DIP2C: variants seen among roughly 807,000 people sequenced by gnomAD.
DIP2C encodes the protein disco-interacting protein 2 homolog C.
DIP2C carries 33 observed loss-of-function variants against 192.4 expected under a neutral mutation model. The ratio of observed to expected loss-of-function variants is 0.17; its 90% confidence interval spans 0.13 to 0.23. The LOEUF is 0.23. Among genes scored for constraint, DIP2C ranks in the 10% least tolerant of loss-of-function variants. DIP2C has a pLI of 1.00. For missense variants in DIP2C, 1,537 were observed against 2,110.1 expected, an observed-to-expected ratio of 0.73 and a Z score of 5.32; for synonymous variants, 979 against 864.1, an observed-to-expected ratio of 1.13 and a Z score of -2.33.
At chr10:329,394 G>A (rs1212628587) in intron 30 of DIP2C, 39 bp downstream of exon 30, 2 of 1,578,974 alleles carry the variant, frequency 1.3e-6, no homozygotes, top group Non-Finnish European at 1.7e-6. Flanking sequence ...GAGTCCCTGT[G>A]GGCTCACAGG....
intron 1 of DIP2C, among the ~76,000 whole-genome samples, chr10:518,024 G>C (rs1007232659): frequency 6.6e-6 from 1 of 152,238 alleles, no homozygotes; most frequent in Non-Finnish European, 1.5e-5. Context: ...CAGTTTGGTG[G>C]GGTGGGCGTG....
At chr10:495,325 T>C (rs1021844993) in intron 1 of DIP2C, among the ~76,000 whole-genome samples, 2 of 152,182 alleles carry the variant, frequency 1.3e-5, no homozygotes, top group African/African-American at 4.8e-5. Flanking sequence ...TTAATAACAA[T>C]GTACCATCTG....
At chr10:393,439 T>C (rs1027785758) in intron 10 of DIP2C, among the ~76,000 whole-genome samples, 2 of 152,132 alleles carry the variant, frequency 1.3e-5, no homozygotes, top group African/African-American at 4.8e-5. Flanking sequence ...AACAGGTCCA[T>C]GAAAAGGTGC....
intron 1 of DIP2C, among the ~76,000 whole-genome samples, chr10:566,452 G>A (rs949121202): frequency 3.9e-5 from 6 of 152,162 alleles, no homozygotes; most frequent in East Asian, 1.9e-4. Context: ...CTTTCCTCTC[G>A]AGTAGCACAC....
chr10:600,341 C>A (rs1459248015), intron 1 of DIP2C, among the ~76,000 whole-genome samples: 6 of 152,042 alleles, frequency 3.9e-5, no homozygotes, highest in Non-Finnish European at 7.4e-5. Context: ...CTCAGCCAGC[C>A]CAGGGGATGA....
At chr10:464,566 T>A (rs201970118) in intron 3 of DIP2C, among the ~76,000 whole-genome samples, 2 of 137,588 alleles carry the variant, frequency 1.5e-5, no homozygotes, top group East Asian at 4.4e-4. Flanking sequence ...TGTGGAAGAG[T>A]GTGGTGATTC....
intron 1 of DIP2C, among the ~76,000 whole-genome samples, chr10:606,053 T>G (rs777811988): frequency 5.9e-5 from 9 of 152,214 alleles, no homozygotes; most frequent in Non-Finnish European, 8.8e-5. Context: ...CAAGTCTTCC[T>G]GGCGAGAACC....
rs1852884388 is a variant in DIP2C at position 609,098 on chromosome 10, G to T, written c.85+80396C>A. Among the ~76,000 whole-genome samples the T allele has an allele frequency of 2.6e-5, 4 of 151,956 alleles. 1 individual carries two copies. The South Asian group carries it at 8.3e-4, about 32-fold the overall frequency. On this transcript the variant is annotated intron_variant, in intron 1 of 36. Transcript: ENST00000280886. ...AAAGCAAAGGGTAAGACCACGTTTG[G>T]TTTTTATGACTCGCAGTTCTAAATT... is the stretch of plus-strand genomic sequence containing the variant.
intron 1 of DIP2C, among the ~76,000 whole-genome samples, chr10:567,047 G>A (rs1169963516): frequency 6.6e-6 from 1 of 152,154 alleles, no homozygotes; most frequent in Non-Finnish European, 1.5e-5. Flanking sequence ...TAAACGTTAA[G>A]ACTCAACTTG....
At chr10:468,741 C>T (rs2133422141) in intron 3 of DIP2C, among the ~76,000 whole-genome samples, 1 of 152,288 alleles carries the variant, frequency 6.6e-6, no homozygotes, top group African/African-American at 2.4e-5. Flanking sequence ...CACCATTGCA[C>T]TCCAGCCTGG....
chr10:439,061 G>C (rs567857153), intron 4 of DIP2C, among the ~76,000 whole-genome samples: 1 of 152,160 alleles, frequency 6.6e-6, no homozygotes, highest in African/African-American at 2.4e-5. Context: ...TTCCGGGCTG[G>C]TCTTGAACTC....
intron 1 of DIP2C, among the ~76,000 whole-genome samples, chr10:661,061 G>A (rs1856728819): frequency 6.6e-6 from 1 of 152,212 alleles, no homozygotes; most frequent in Admixed American, 6.5e-5. Flanking sequence ...CTTTTCTGCA[G>A]ACTTCAACAA....
chr10:600,450 C>T (rs980380547), intron 1 of DIP2C, among the ~76,000 whole-genome samples: 2 of 150,456 alleles, frequency 1.3e-5, no homozygotes, highest in South Asian at 2.1e-4. Context: ...GCAGATGCTC[C>T]GGAGCCACCC....
chr10:394,074 G>A (rs1034850529), intron 10 of DIP2C, among the ~76,000 whole-genome samples: 1 of 152,210 alleles, frequency 6.6e-6, no homozygotes, highest in African/African-American at 2.4e-5. Flanking sequence ...TGGGCCAAAG[G>A]AACTGAAATT....
At chr10:359,286 G>A (rs1959200498) in intron 22 of DIP2C, among the ~76,000 whole-genome samples, 1 of 152,198 alleles carries the variant, frequency 6.6e-6, no homozygotes, top group African/African-American at 2.4e-5. Flanking sequence ...ACAGATGCAC[G>A]GCCATCCTTT....
At chr10:553,626 G>A (rs146576535) in intron 1 of DIP2C, among the ~76,000 whole-genome samples, 27 of 152,338 alleles carry the variant, frequency 1.8e-4, no homozygotes, top group African/African-American at 6.5e-4. Flanking sequence ...TTAGGATTTA[G>A]TCCATGCCTT....
intron 9 of DIP2C, among the ~76,000 whole-genome samples, chr10:404,325 C>T (rs1964653243): frequency 6.6e-6 from 1 of 151,922 alleles, no homozygotes. Context: ...TCTCTTGCCT[C>T]AGCCTCCCGA....
At chr10:492,904 G>A (rs1039713478) in intron 1 of DIP2C, among the ~76,000 whole-genome samples, 1 of 152,186 alleles carries the variant, frequency 6.6e-6, no homozygotes, top group Non-Finnish European at 1.5e-5. Flanking sequence ...CCACCGCAGT[G>A]GTCTTGAAAA....
chr10:532,340 C>G (rs796537596), intron 1 of DIP2C, among the ~76,000 whole-genome samples: 3 of 152,188 alleles, frequency 2.0e-5, no homozygotes, highest in South Asian at 2.1e-4. Context: ...CCTCTCTCCC[C>G]TGGACAGACC....
Sources: gnomAD v4.1 joint callset for allele counts (sites outside exome capture counted in the v4.1 genomes callset) on GRCh38, gnomAD v4.1.1 for gene constraint, MANE v1.5 for transcripts, NCBI Gene and HGNC (gene_info 2026-07-23, HGNC 2026-07-21) for gene names.